CYP2C19: variants seen among roughly 807,000 people sequenced by gnomAD.
CYP2C19 encodes cytochrome P450 family 2 subfamily C member 19.
In CYP2C19, 59 loss-of-function variants were observed where a neutral mutation model predicts 40.9. That is an observed-to-expected ratio of 1.44 (90% CI 1.17 to 1.79). The LOEUF is 1.79. CYP2C19 is among the 40% of genes most tolerant of loss of function. CYP2C19 has a pLI of 0.00. For missense variants in CYP2C19, 754 were observed against 596.9 expected (o/e 1.26, Z -2.74); for synonymous variants, 253 against 208.7 (o/e 1.21, Z -1.83).
At chr10:94,827,586 A>T (rs1392819787) in intron 6 of CYP2C19, among the ~76,000 whole-genome samples, 1 of 151,642 alleles carries the variant, frequency 6.6e-6, no homozygotes, top group Admixed American at 6.6e-5. Context: ...GTGGTCTATC[A>T]ATTTTGTTGA....
In CYP2C19 at chr10:94,843,031, T is replaced by C; in HGVS notation, c.1149+7T>C. 3 of 1,613,992 alleles carry C rather than the reference T, an allele frequency of 1.9e-6. No homozygotes were observed. Among genetic ancestry groups the C allele is most frequent in the Non-Finnish European group, 2.5e-6 (3 of 1,179,856 alleles). ...AAACTACCTCATTCCCAAGGTAAGT[T>C]TGTTTCTCCTACACTGCAACTCCAT... On this transcript the variant is annotated splice_region_variant and intron_variant, in intron 7 of 8. Transcript: ENST00000371321.
In CYP2C19 at chr10:94,818,201, G is replaced by C. The variant is rs1198580417; in HGVS notation, c.820-2295G>C. 3.4e-5 allele frequency among the ~76,000 whole-genome samples: 5 copies of C among 145,722 alleles called. No homozygotes were observed. In the South Asian group the frequency reaches 7.0e-4, roughly 20 times the overall value. On this transcript the variant is annotated intron_variant, in intron 5 of 8. Coordinates refer to ENST00000371321, the MANE Select transcript of CYP2C19 (RefSeq NM_000769.4). The stretch of plus-strand genomic sequence containing the variant: ...GTTTGTCAAAGATCAGATAGTTGTA[G>C]GTATGCGGCGTTATTTCTGAGGGCT...
At chr10:94,766,947 C>T (rs944978140) in intron 1 of CYP2C19, among the ~76,000 whole-genome samples, 5 of 152,202 alleles carry the variant, frequency 3.3e-5, no homozygotes, top group African/African-American at 1.2e-4. Flanking sequence ...CACTAGATCT[C>T]CTGGTTGAAA....
At chr10:94,805,696 C>A (rs940065321) in intron 5 of CYP2C19, among the ~76,000 whole-genome samples, 4 of 152,110 alleles carry the variant, frequency 2.6e-5, no homozygotes, top group Non-Finnish European at 4.4e-5. Flanking sequence ...CCAGCCTGGG[C>A]AACATGGTGA....
chr10:94,849,281 C>T lies in CYP2C19; in HGVS notation c.1150-636C>T, dbSNP rs563422734. On this transcript the variant is annotated intron_variant, in intron 7 of 8. Transcript: ENST00000371321. The stretch of plus-strand genomic sequence containing the variant: ...AGATTCAGAAGGTTGCACCCAAGTA[C>T]GCAAGTACTCAGTACTTCAAATGTG... 2.6e-4 allele frequency among the ~76,000 whole-genome samples: 39 copies of T among 152,184 alleles called. 1 individual carries two copies. The highest frequency in any genetic ancestry group is 2.5e-3 in the South Asian group (12 of 4,822).
At chr10:94,839,232 G>T (rs779527681) in intron 6 of CYP2C19, among the ~76,000 whole-genome samples, 1 of 151,990 alleles carries the variant, frequency 6.6e-6, no homozygotes, top group Non-Finnish European at 1.5e-5. Flanking sequence ...CACAAAGAAA[G>T]GGGCCCTGGC....
intron 7 of CYP2C19, among the ~76,000 whole-genome samples, chr10:94,846,752 T>A (rs1386983802): frequency 3.3e-5 from 5 of 150,842 alleles, no homozygotes; most frequent in Middle Eastern, 3.5e-3. Flanking sequence ...GTTAGTTACA[T>A]ATGTATACAT....
intron 5 of CYP2C19, among the ~76,000 whole-genome samples, chr10:94,794,234 C>T (rs890979008): frequency 2.0e-5 from 3 of 152,136 alleles, no homozygotes; most frequent in Non-Finnish European, 1.5e-5. Context: ...GTGGGAGTGT[C>T]CCAATTTTCC....
rs1218950668 is a variant in CYP2C19 at position 94,852,889 on chromosome 10, A to G, written c.1448A>G (p.Tyr483Cys). The G allele has an allele frequency of 1.9e-6, 3 of 1,613,976 alleles. No individual in the cohort carries two copies. Among genetic ancestry groups the G allele is most frequent in the Middle Eastern group, 1.7e-4 (1 of 6,056 alleles). The change falls in exon 9 of 9, where the codon TAT (tyrosine) becomes TGT (cysteine). Residue 483 changes from tyrosine to cysteine, a missense_variant. Physicochemically the swap from Tyr to Cys is radical, Grantham distance 194 (BLOSUM62 -2). Transcript: ENST00000371321. ...VNGFASVPPF[Y>C]QLCFIPV ...GGATTTGCTTCTGTCCCGCCCTTCT[A>G]TCAGCTGTGCTTCATTCCTGTCTGA... is the stretch of plus-strand genomic sequence containing the variant.
intron 5 of CYP2C19, among the ~76,000 whole-genome samples, chr10:94,818,608 C>T (rs1245229647): frequency 6.9e-6 from 1 of 144,554 alleles, no homozygotes; most frequent in African/African-American, 2.6e-5. Flanking sequence ...TCCTTCACAT[C>T]CCTTGTAAGT....
At chr10:94,806,833 T>C (rs1441818635) in intron 5 of CYP2C19, among the ~76,000 whole-genome samples, 3 of 151,664 alleles carry the variant, frequency 2.0e-5, no homozygotes, top group African/African-American at 7.3e-5. Context: ...ATACAATGTG[T>C]AATGATCAAG....
At chr10:94,817,415 T>G (rs1186648232) in intron 5 of CYP2C19, among the ~76,000 whole-genome samples, 1 of 144,832 alleles carries the variant, frequency 6.9e-6, no homozygotes, top group Non-Finnish European at 1.5e-5. Context: ...TGCCCACTTT[T>G]TGATGGGGTT....
intron 5 of CYP2C19, among the ~76,000 whole-genome samples, chr10:94,800,849 T>TAC: frequency 6.6e-6 from 1 of 152,210 alleles, no homozygotes. Flanking sequence ...AATCTTCTAG[T>TAC]CTGCCTGTTG....
chr10:94,789,178 CTT>C (rs996380237), intron 5 of CYP2C19, among the ~76,000 whole-genome samples: 3 of 151,752 alleles, frequency 2.0e-5, no homozygotes, highest in Non-Finnish European at 4.4e-5. Context: ...CCTTCACCCA[CTT>C]TTTGATGGGG....
intron 5 of CYP2C19, among the ~76,000 whole-genome samples, chr10:94,790,906 C>G (rs184356750): frequency 6.6e-6 from 1 of 152,250 alleles, no homozygotes; most frequent in East Asian, 1.9e-4. Flanking sequence ...AGAATTCCCT[C>G]TTTTTCTATT....
chr10:94,834,345 G>C (rs1849369744), intron 6 of CYP2C19, among the ~76,000 whole-genome samples: 1 of 151,766 alleles, frequency 6.6e-6, no homozygotes, highest in Non-Finnish European at 1.5e-5. Context: ...CAGTTGTATT[G>C]CTTCCTTTTT....
intron 5 of CYP2C19, among the ~76,000 whole-genome samples, chr10:94,801,917 G>A (rs544697310): frequency 6.6e-6 from 1 of 152,280 alleles, no homozygotes; most frequent in Admixed American, 6.5e-5. Flanking sequence ...AGCTTTTAAA[G>A]GTGTTGCAGA....
chr10:94,800,877 G>A (rs1025237230), intron 5 of CYP2C19, among the ~76,000 whole-genome samples: 1 of 152,190 alleles, frequency 6.6e-6, no homozygotes, highest in Non-Finnish European at 1.5e-5. Context: ...CATGGGAAAA[G>A]CACAGTATTT....
intron 5 of CYP2C19, among the ~76,000 whole-genome samples, chr10:94,792,109 A>C (rs964025372): frequency 6.6e-6 from 1 of 151,946 alleles, no homozygotes; most frequent in African/African-American, 2.4e-5. Flanking sequence ...TCCCTTTACC[A>C]TTATATATTG....
Sources: allele counts gnomAD v4.1 joint callset (sites outside exome capture counted in the v4.1 genomes callset), GRCh38; gene constraint gnomAD v4.1.1; transcripts MANE v1.5; gene names NCBI Gene and HGNC (gene_info 2026-07-23, HGNC 2026-07-21).